The following DENND6B variants were observed in gnomAD, a reference collection of about 807,000 sequenced individuals.
The protein encoded by DENND6B is DENN domain containing 6B.
DENND6B carries 73 observed loss-of-function variants against 85.1 expected under a neutral mutation model. The observed-to-expected ratio is 0.86, with a 90% CI of 0.71 to 1.04. DENND6B has a LOEUF of 1.04. DENND6B is among the 50% of genes least tolerant of loss of function. The pLI is 0.00. For missense variants in DENND6B, 715 were observed against 785.8 expected (o/e 0.91, Z 1.08); for synonymous variants, 357 against 329.3 (o/e 1.08, Z -0.91).
At chr22:50,322,639 TC>T (rs1490667919) in intron 1 of DENND6B, among the ~76,000 whole-genome samples, 1 of 152,124 alleles carries the variant, frequency 6.6e-6, no homozygotes, top group Non-Finnish European at 1.5e-5. Flanking sequence ...AACCTTTGCC[TC>T]CCAGGTTCAA....
intron 1 of DENND6B, among the ~76,000 whole-genome samples, chr22:50,320,067 G>A (rs1044381582): frequency 3.9e-5 from 6 of 152,172 alleles, no homozygotes; most frequent in African/African-American, 1.4e-4. Flanking sequence ...TGGGCTGCCT[G>A]AAGCCTGCCA....
chr22:50,315,880 C>A, intron 8 of DENND6B, 111 bp from the exon 9 acceptor site: 1 of 1,509,404 alleles, frequency 6.6e-7, no homozygotes. Flanking sequence ...CAGCCCTACA[C>A]CAACACACAG....
At chr22:50,326,162 G>A (rs2042183627) in intron 1 of DENND6B, among the ~76,000 whole-genome samples, 1 of 152,256 alleles carries the variant, frequency 6.6e-6, no homozygotes, top group Non-Finnish European at 1.5e-5. Context: ...GTGGAGGCCT[G>A]CAGGCAGCAG....
chr22:50,314,135 C>G, intron 13 of DENND6B, 72 bp downstream of exon 13: 1 of 1,504,636 alleles, frequency 6.6e-7, no homozygotes, highest in South Asian at 1.3e-5. Context: ...GGCTGCCCCA[C>G]CCGAGAGACC....
intron 11 of DENND6B, 52 bp downstream of exon 11, chr22:50,314,553 G>T: frequency 6.4e-7 from 1 of 1,554,066 alleles, no homozygotes; most frequent in South Asian, 1.2e-5. Flanking sequence ...TGCAGGAAGG[G>T]CGAGAGGCAG....
intron 1 of DENND6B, among the ~76,000 whole-genome samples, chr22:50,321,463 C>T (rs62241239): frequency 6.6e-6 from 1 of 151,704 alleles, no homozygotes; most frequent in African/African-American, 2.4e-5. Context: ...TGGGTTCAAG[C>T]GATTCTCCTG....
chr22:50,311,318 C>G lies in DENND6B; in HGVS notation c.*821G>C, dbSNP rs1445399429. 4 of 152,306 alleles carry G rather than the reference C, an allele frequency of 2.6e-5. No homozygotes were observed. The highest frequency in any genetic ancestry group is 5.9e-5 in the Non-Finnish European group (4 of 68,106). 9.4% of individuals were successfully genotyped at this position (152,306 alleles called of 1,614,324 possible). ...CCCTTACCAAGGAAAGGGAGACATG[C>G]AGGCTCCAGCCAGAGGCAGGGTCAG... is the stretch of plus-strand genomic sequence containing the variant. On this transcript the variant is annotated 3_prime_UTR_variant, in exon 20 of 20. Coordinates refer to ENST00000413817, the MANE Select transcript of DENND6B (RefSeq NM_001001794.4).
rs755795229 is a variant in DENND6B at position 50,313,689 on chromosome 22, G to A, written c.1239C>T (p.Ser413=). Reference sequence around the variant, plus strand: ...CCAGGAGGTGCCGCCGCAGCAGGGCGCTCTGCACATCTGACGGCCGCTTCT... The same window carrying A: ...CCAGGAGGTGCCGCCGCAGCAGGGCACTCTGCACATCTGACGGCCGCTTCT... ...VQKKRPSDVQ[S]ALLRRHLLEL... is the part of the protein sequence containing the mutation. The change falls in exon 15 of 20, where the codon AGC becomes AGT. Residue 413 remains serine, a synonymous_variant. Transcript: ENST00000413817. 3.0e-5 allele frequency: 48 copies of A among 1,601,034 alleles called. No individual in the cohort carries two copies. The highest frequency in any genetic ancestry group is 1.7e-4 in the Middle Eastern group (1 of 6,044).
intron 8 of DENND6B, 44 bp from the exon 9 acceptor site, chr22:50,315,813 A>AC: frequency 6.7e-7 from 1 of 1,484,272 alleles, no homozygotes; most frequent in Non-Finnish European, 9.0e-7. Context: ...GGAGGCTGGC[A>AC]CCCCTTGGGC....
In DENND6B at chr22:50,311,443, G is replaced by C. The variant is rs2068059184; in HGVS notation, c.*696C>G. On this transcript the variant is annotated 3_prime_UTR_variant, in exon 20 of 20. Coordinates refer to ENST00000413817, the MANE Select transcript of DENND6B (RefSeq NM_001001794.4). ...CTCCCAGAAGGGACGCACGGAGCTG[G>C]TGCCTGGTGGGGGCTCCAGGACTGG... The C allele has an allele frequency of 6.6e-6, 1 of 152,434 alleles. No homozygotes were observed. The allele number at this position is 152,434 out of a possible 1,614,324, so 9.4% of individuals were successfully genotyped here.
chr22:50,313,602 C>T, intron 15 of DENND6B, 33 bp downstream of exon 15: 3 of 1,537,546 alleles, frequency 2.0e-6, no homozygotes, highest in South Asian at 1.2e-5. Flanking sequence ...CCCCGTGCCC[C>T]CCAGTCCCAT....
intron 2 of DENND6B, 28 bp downstream of exon 2, chr22:50,318,937 G>C: frequency 6.2e-7 from 1 of 1,609,728 alleles, no homozygotes; most frequent in African/African-American, 1.3e-5. Context: ...CCTGGGTCCT[G>C]TCCATTCCCA....
intron 5 of DENND6B, 54 bp from the exon 6 acceptor site, chr22:50,316,529 C>A: frequency 6.5e-7 from 1 of 1,549,806 alleles, no homozygotes; most frequent in East Asian, 2.4e-5. Flanking sequence ...ACCCTCGCCA[C>A]TCAGGAGCCC....
intron 1 of DENND6B, 175 bp from the exon 2 acceptor site, chr22:50,319,178 T>C: frequency 2.6e-6 from 4 of 1,519,236 alleles, no homozygotes; most frequent in Non-Finnish European, 3.5e-6. Context: ...GCACGCTGCA[T>C]CCTCCCCACA....
rs770176537 is a variant in DENND6B, at chr22:50,316,223, G to A, written c.590C>T (p.Pro197Leu). The A allele has an allele frequency of 6.5e-5, 104 of 1,610,024 alleles. 1 individual carries two copies. In the South Asian group the frequency reaches 1.1e-3, roughly 17 times the overall value. Residue 197 changes from proline to leucine, a missense_variant, in exon 7 of 20, where the codon CCT (proline) becomes CTT (leucine). Coordinates refer to ENST00000413817, the MANE Select transcript of DENND6B (RefSeq NM_001001794.4). ...VCSEIDQWPA[P>L]APGQTLNLPV... ...TAGGTTCAGGGTCTGCCCAGGTGCAGGCGCCGGCCACTGGTCGATCTCACT... is the reference window on the plus strand; with the variant it reads ...TAGGTTCAGGGTCTGCCCAGGTGCAAGCGCCGGCCACTGGTCGATCTCACT...
chr22:50,315,997 T>C (rs755857360), intron 8 of DENND6B, 28 bp downstream of exon 8: 1 of 1,612,452 alleles, frequency 6.2e-7, no homozygotes, highest in African/African-American at 1.3e-5. Flanking sequence ...CCCAGCTGTT[T>C]CAGCTCCACC....
chr22:50,322,267 G>A (rs1046088893), intron 1 of DENND6B, among the ~76,000 whole-genome samples: 6 of 152,022 alleles, frequency 3.9e-5, no homozygotes, highest in African/African-American at 1.4e-4. Flanking sequence ...GTAGAGATGG[G>A]GTTTCACCGT....
At position 50,312,157 on chromosome 22, in the gene DENND6B, A is replaced by G; in HGVS notation, c.1740T>C (p.Ala580=). The change falls in exon 20 of 20, where the codon GCT becomes GCC. Residue 580 remains alanine (A), a synonymous_variant. Coordinates refer to ENST00000413817, the MANE Select transcript of DENND6B (RefSeq NM_001001794.4). ...VIGSLPKDLQ[A]VLCPP is the part of the protein sequence containing the mutation. ...CTTTGTTCTAGGGAGGGCACAAGACAGCCTGCAGGTCTTTGGGCAGGGAGC... is the reference window on the plus strand; with the variant it reads ...CTTTGTTCTAGGGAGGGCACAAGACGGCCTGCAGGTCTTTGGGCAGGGAGC... 1 of 1,612,408 alleles carries G rather than the reference A, an allele frequency of 6.2e-7. No homozygotes were observed. The highest frequency in any genetic ancestry group is 8.5e-7 in the Non-Finnish European group (1 of 1,179,732).
At chr22:50,318,502 A>G (rs1217721681) in intron 3 of DENND6B, among the ~76,000 whole-genome samples, 1 of 152,208 alleles carries the variant, frequency 6.6e-6, no homozygotes, top group Non-Finnish European at 1.5e-5. Context: ...GACCTGCTTG[A>G]GATAGAAAAC....
Sources: gnomAD v4.1 joint callset for allele counts (sites outside exome capture counted in the v4.1 genomes callset) on GRCh38, gnomAD v4.1.1 for gene constraint, MANE v1.5 for transcripts, NCBI Gene and HGNC (gene_info 2026-07-23, HGNC 2026-07-21) for gene names.